CNTNAP5: variants seen among roughly 807,000 people sequenced by gnomAD.
CNTNAP5 encodes contactin-associated protein-like 5.
In CNTNAP5, 72 loss-of-function variants were observed where a neutral mutation model predicts 150.2. The ratio of observed to expected loss-of-function variants is 0.48; its 90% CI spans 0.40 to 0.58. CNTNAP5 has a LOEUF of 0.58. Ranked by LOEUF, CNTNAP5 falls within the 20% of genes least tolerant of loss-of-function variation. The pLI is 0.00. For synonymous variants in CNTNAP5, 672 were observed against 619.8 expected (o/e 1.08, Z -1.25); for missense variants, 1,636 against 1,626.2 (o/e 1.01, Z -0.10).
intron 16 of CNTNAP5, among the ~76,000 whole-genome samples, chr2:124,765,869 T>A (rs1203886709): frequency 1.3e-5 from 2 of 151,614 alleles, no homozygotes; most frequent in African/African-American, 4.8e-5. Context: ...GGCAGGAGAA[T>A]CTCTTGAACC....
At chr2:124,119,412 A>G (rs1397018721) in intron 1 of CNTNAP5, among the ~76,000 whole-genome samples, 1 of 147,722 alleles carries the variant, frequency 6.8e-6, no homozygotes, top group Non-Finnish European at 1.5e-5. Flanking sequence ...AGAGCAATTC[A>G]TGGTAATTAC....
intron 1 of CNTNAP5, among the ~76,000 whole-genome samples, chr2:124,128,642 A>C (rs1056779636): frequency 8.5e-5 from 13 of 152,124 alleles, no homozygotes; most frequent in South Asian, 2.1e-4. Context: ...TTCACAATAG[A>C]AAAGACTTGG....
intron 1 of CNTNAP5, among the ~76,000 whole-genome samples, chr2:124,072,158 T>C (rs933880487): frequency 6.6e-6 from 1 of 151,946 alleles, no homozygotes; most frequent in Non-Finnish European, 1.5e-5. Flanking sequence ...GAAAAAGCAT[T>C]AGATAAAATT....
chr2:124,578,884 GAC>G (rs1285485347), intron 11 of CNTNAP5, among the ~76,000 whole-genome samples: 7 of 152,186 alleles, frequency 4.6e-5, no homozygotes, highest in African/African-American at 1.7e-4. Context: ...CTATTATCAT[GAC>G]ACTCTTTGTT....
intron 13 of CNTNAP5, among the ~76,000 whole-genome samples, chr2:124,713,993 A>C (rs1324831740): frequency 6.6e-6 from 1 of 151,998 alleles, no homozygotes; most frequent in Non-Finnish European, 1.5e-5. Context: ...GACTTTGCAC[A>C]TGTGGTTATT....
At chr2:124,717,252 C>A (rs971528564) in intron 13 of CNTNAP5, among the ~76,000 whole-genome samples, 2 of 152,118 alleles carry the variant, frequency 1.3e-5, no homozygotes, top group African/African-American at 4.8e-5. Flanking sequence ...TGATGAAGAT[C>A]AGAGGCTGCG....
chr2:124,335,574 A>C (rs1459402266), intron 3 of CNTNAP5, among the ~76,000 whole-genome samples: 1 of 150,274 alleles, frequency 6.7e-6, no homozygotes, highest in African/African-American at 2.5e-5. Flanking sequence ...ATGAGACGAC[A>C]TGAATATTCA....
chr2:124,895,701 G>T (rs1186204852), intron 21 of CNTNAP5, among the ~76,000 whole-genome samples: 1 of 151,512 alleles, frequency 6.6e-6, no homozygotes, highest in Non-Finnish European at 1.5e-5. Flanking sequence ...ATCTAGAGTG[G>T]TACATAAAGG....
chr2:124,273,645 C>A (rs1301061212), intron 3 of CNTNAP5, among the ~76,000 whole-genome samples: 1 of 152,148 alleles, frequency 6.6e-6, no homozygotes, highest in Non-Finnish European at 1.5e-5. Flanking sequence ...CCCTTAACCC[C>A]GACCTGCTAA....
At position 124,743,593 on chromosome 2, in the gene CNTNAP5, T is replaced by C. The variant is rs569365912; in HGVS notation, c.2078-3636T>C. On this transcript the variant is annotated intron_variant, in intron 13 of 23. Transcript: ENST00000682447. ...AGGTCATGGTGGTGCAGACAGCATG[T>C]CGACTGAATCCGTCTCTAGGCGTTC... Among the ~76,000 whole-genome samples, 25 of 152,266 alleles carry C rather than the reference T, an allele frequency of 1.6e-4. No individual in the cohort carries two copies. The East Asian group carries it at 4.8e-3, about 29-fold the overall frequency.
intron 3 of CNTNAP5, among the ~76,000 whole-genome samples, chr2:124,338,981 G>A (rs1365959462): frequency 6.6e-6 from 1 of 152,126 alleles, no homozygotes. Flanking sequence ...CAGAAGAGCT[G>A]TAACATAATC....
At chr2:124,349,336 A>G (rs1433328359) in intron 3 of CNTNAP5, among the ~76,000 whole-genome samples, 1 of 152,230 alleles carries the variant, frequency 6.6e-6, no homozygotes, top group Non-Finnish European at 1.5e-5. Context: ...TAGGAAAGGT[A>G]GAATAAAAAA....
intron 10 of CNTNAP5, among the ~76,000 whole-genome samples, chr2:124,547,206 C>A (rs1010506014): frequency 6.6e-6 from 1 of 152,068 alleles, no homozygotes; most frequent in African/African-American, 2.4e-5. Flanking sequence ...AGAAACGGTG[C>A]ATTGAATGAC....
chr2:124,911,926 C>T (rs374950419), intron 23 of CNTNAP5, among the ~76,000 whole-genome samples: 45 of 152,142 alleles, frequency 3.0e-4, no homozygotes, highest in African/African-American at 9.6e-4. Context: ...TGGGTGAAGC[C>T]GCAGTCCTGT....
chr2:124,137,248 G>C (rs1553440919), intron 1 of CNTNAP5, among the ~76,000 whole-genome samples: 1 of 149,156 alleles, frequency 6.7e-6, no homozygotes, highest in African/African-American at 2.5e-5. Context: ...ATGAATATAT[G>C]AAAAAAAAAT....
chr2:124,583,334 C>T (rs141204149), intron 11 of CNTNAP5, among the ~76,000 whole-genome samples: 4 of 152,312 alleles, frequency 2.6e-5, no homozygotes, highest in East Asian at 3.9e-4. Flanking sequence ...TGTACATAGC[C>T]GGGAACGATA....
intron 12 of CNTNAP5, among the ~76,000 whole-genome samples, chr2:124,615,121 G>T (rs1280183584): frequency 1.3e-5 from 2 of 152,180 alleles, no homozygotes; most frequent in Non-Finnish European, 2.9e-5. Flanking sequence ...GATGTTAGTG[G>T]CTGCTAACTG....
At chr2:124,395,176 C>A (rs1256663630) in intron 3 of CNTNAP5, among the ~76,000 whole-genome samples, 3 of 152,104 alleles carry the variant, frequency 2.0e-5, no homozygotes, top group Non-Finnish European at 4.4e-5. Flanking sequence ...TAATGAAGGT[C>A]AAATATGTAC....
At chr2:124,742,428 C>T (rs1256897293) in intron 13 of CNTNAP5, among the ~76,000 whole-genome samples, 1 of 152,022 alleles carries the variant, frequency 6.6e-6, no homozygotes, top group African/African-American at 2.4e-5. Context: ...CATGGTTATC[C>T]CCTTGAAACT....
Sources: allele counts gnomAD v4.1 joint callset (sites outside exome capture counted in the v4.1 genomes callset), GRCh38; gene constraint gnomAD v4.1.1; transcripts MANE v1.5; gene names NCBI Gene and HGNC (gene_info 2026-07-23, HGNC 2026-07-21).